The following CLDN10 variants were observed in gnomAD, a reference collection of about 807,000 sequenced individuals.
CLDN10 encodes claudin-10.
CLDN10 carries 15 observed loss-of-function variants against 22.9 expected under a neutral mutation model. The ratio of observed to expected loss-of-function variants is 0.65; its 90% CI spans 0.44 to 1.01. CLDN10 has a LOEUF of 1.01. CLDN10 is among the 50% of genes least tolerant of loss of function. CLDN10 has a pLI of 0.00. For synonymous variants in CLDN10, 114 were observed against 111.4 expected, an observed-to-expected ratio of 1.02 and a Z score of -0.15; for missense variants, 247 against 287.8, an observed-to-expected ratio of 0.86 and a Z score of 1.03.
chr13:95,462,372 T>A (rs1212793620), intron 1 of CLDN10, among the ~76,000 whole-genome samples: 3 of 152,252 alleles, frequency 2.0e-5, no homozygotes, highest in African/African-American at 4.8e-5. Context: ...TCATTCTGCC[T>A]GTAAGGAAAG....
At position 95,523,700 on chromosome 13, in the gene CLDN10, C is replaced by CT. The variant is rs557760823; in HGVS notation, c.215-36431dup. Among the ~76,000 whole-genome samples, 432 of 152,338 alleles carry CT rather than the reference C, an allele frequency of 2.8e-3. 3 individuals are homozygous for CT. The highest frequency in any genetic ancestry group is 0.015 in the South Asian group (71 of 4,820). ...TAAGTGATTCTCCTGCCTCAGCCTCCTGAGTAGCTGAGATTACAGGAGCAA... is the reference window on the plus strand; with the variant it reads ...TAAGTGATTCTCCTGCCTCAGCCTCCTTGAGTAGCTGAGATTACAGGAGCAA... On this transcript the variant is annotated intron_variant, in intron 1 of 4. Coordinates refer to the CLDN10 transcript ENST00000376873.
rs75823778 is a variant in CLDN10 at position 95,474,203 on chromosome 13, A to G, written c.214+40156A>G. On this transcript the variant is annotated intron_variant, in intron 1 of 4. Transcript: ENST00000376873. ...GATGGGAGACAGTGACAGATCATCA[A>G]GAGTGACAGATCATCAGGCATTAGA... 8.1e-3 allele frequency among the ~76,000 whole-genome samples: 789 copies of G among 96,816 alleles called. 3 individuals are homozygous for G. The highest frequency in any genetic ancestry group is 0.022 in the African/African-American group (752 of 33,716). The allele number at this position is 96,816 out of a possible 152,430, so 63.5% of individuals were successfully genotyped here. A position where few individuals can be genotyped will look rare whatever the true frequency, so the allele number is the denominator to read the frequency against.
In CLDN10 at chr13:95,486,143, T is replaced by C. The variant is rs188223007; in HGVS notation, c.214+52096T>C. 2.1e-4 allele frequency among the ~76,000 whole-genome samples: 32 copies of C among 152,326 alleles called. 1 individual carries two copies. Among genetic ancestry groups the C allele is most frequent in the Admixed American group, 1.8e-3 (27 of 15,300 alleles). Reference sequence around the variant, plus strand: ...CCTTGCAGAATCAGCTCGCAATGGATGCTAGGCTTCTGTTGTGCCTTGCTG... The same window carrying C: ...CCTTGCAGAATCAGCTCGCAATGGACGCTAGGCTTCTGTTGTGCCTTGCTG... On this transcript the variant is annotated intron_variant, in intron 1 of 4. Transcript: ENST00000376873.
At chr13:95,450,267 T>G (rs948674127) in intron 1 of CLDN10, among the ~76,000 whole-genome samples, 1 of 152,232 alleles carries the variant, frequency 6.6e-6, no homozygotes, top group Non-Finnish European at 1.5e-5. Context: ...TGTTGTTTGC[T>G]CCAACTCACA....
chr13:95,530,679 T>C (rs999657532), intron 1 of CLDN10, among the ~76,000 whole-genome samples: 1 of 152,254 alleles, frequency 6.6e-6, no homozygotes, highest in Admixed American at 6.5e-5. Flanking sequence ...CTTGTGTTTA[T>C]CAACTACCTT....
chr13:95,563,099 TC>T (rs2138663918), intron 3 of CLDN10, among the ~76,000 whole-genome samples: 1 of 77,510 alleles, frequency 1.3e-5, no homozygotes, highest in South Asian at 4.5e-4. Flanking sequence ...CTACCCACTC[TC>T]TCTCTCTCTC....
intron 3 of CLDN10, chr13:95,560,689 G>A (rs888875713): frequency 1.9e-5 from 10 of 521,002 alleles, no homozygotes; most frequent in Non-Finnish European, 3.4e-5. Flanking sequence ...ACAGTTCAAG[G>A]CATCAAATTT....
intron 1 of CLDN10, among the ~76,000 whole-genome samples, chr13:95,439,417 C>T (rs1440381756): frequency 6.6e-6 from 1 of 151,662 alleles, no homozygotes; most frequent in Admixed American, 6.6e-5. Flanking sequence ...CAATCTCAAC[C>T]TCTGCCTCCC....
intron 1 of CLDN10, among the ~76,000 whole-genome samples, chr13:95,555,946 G>T (rs1281189471): frequency 2.0e-5 from 3 of 152,176 alleles, no homozygotes; most frequent in Non-Finnish European, 4.4e-5. Context: ...AGATTGGGAA[G>T]AGAATCCAGG....
chr13:95,473,696 C>T (rs529110299), intron 1 of CLDN10, among the ~76,000 whole-genome samples: 6 of 152,326 alleles, frequency 3.9e-5, no homozygotes, highest in Non-Finnish European at 7.3e-5. Flanking sequence ...AGCTCTGACT[C>T]GGCAGGTCAG....
chr13:95,531,359 G>A (rs1050988061), intron 1 of CLDN10, among the ~76,000 whole-genome samples: 1 of 152,286 alleles, frequency 6.6e-6, no homozygotes, highest in African/African-American at 2.4e-5. Flanking sequence ...CAATATGAAA[G>A]TTATATCCCT....
chr13:95,434,125 C>A (rs2042240067), intron 1 of CLDN10: 2 of 1,302,704 alleles, frequency 1.5e-6, no homozygotes, highest in Non-Finnish European at 2.2e-6. Context: ...CTGTCTATGG[C>A]TGGCTGTTAA....
In CLDN10 at chr13:95,445,763, G is replaced by T. The variant is rs368853080; in HGVS notation, c.214+11716G>T. 3.3e-5 allele frequency among the ~76,000 whole-genome samples: 5 copies of T among 152,212 alleles called. No individual in the cohort carries two copies. The East Asian group carries it at 5.8e-4, about 18-fold the overall frequency. ...TTTGACCGAGTTTAATTTTTTTTTA[G>T]CTGTGCTCTTTAGATGTCTAATACA... On this transcript the variant is annotated intron_variant, in intron 1 of 4. Coordinates refer to the CLDN10 transcript ENST00000376873.
intron 1 of CLDN10, among the ~76,000 whole-genome samples, chr13:95,453,161 C>A (rs1227232061): frequency 6.6e-6 from 1 of 152,204 alleles, no homozygotes; most frequent in Non-Finnish European, 1.5e-5. Flanking sequence ...ATTATCTTTA[C>A]ATTTATGTCC....
At position 95,552,901 on chromosome 13, in the gene CLDN10, T is replaced by C. The variant is rs2043584595; in HGVS notation, c.148T>C (p.Trp50Arg). ...AACCGCCACCTATTGGGCCAACCTG[T>C]GGAAGGCGTGCGTTACCGACTCCAC... ...ITTATYWANL[W>R]KACVTDSTGV... The change falls in exon 1 of 5, where the codon TGG becomes CGG. Residue 50 changes from tryptophan to arginine, a missense_variant. Transcript: ENST00000299339. The C allele has an allele frequency of 1.2e-6, 2 of 1,614,002 alleles. No homozygotes were observed. The highest frequency in any genetic ancestry group is 2.7e-5 in the African/African-American group (2 of 74,928).
At chr13:95,497,502 C>T (rs2042941466) in intron 1 of CLDN10, among the ~76,000 whole-genome samples, 1 of 152,120 alleles carries the variant, frequency 6.6e-6, no homozygotes, top group Non-Finnish European at 1.5e-5. Context: ...AAGGACAGAC[C>T]AGCCACACAA....
chr13:95,458,792 C>A (rs2042507403), intron 1 of CLDN10, among the ~76,000 whole-genome samples: 1 of 152,182 alleles, frequency 6.6e-6, no homozygotes, highest in Admixed American at 6.5e-5. Context: ...CATAATCATG[C>A]CTTTCCAATT....
At chr13:95,477,428 G>A (rs927539401) in intron 1 of CLDN10, among the ~76,000 whole-genome samples, 4 of 152,118 alleles carry the variant, frequency 2.6e-5, no homozygotes, top group African/African-American at 9.7e-5. Flanking sequence ...GTTGGGATGC[G>A]AGCTCTGGGT....
chr13:95,501,148 G>A (rs570194244), intron 1 of CLDN10, among the ~76,000 whole-genome samples: 119 of 151,976 alleles, frequency 7.8e-4, no homozygotes, highest in African/African-American at 2.8e-3. Context: ...CAAGTACCTG[G>A]GATTACAAGT....
Sources: gnomAD v4.1 joint callset for allele counts (sites outside exome capture counted in the v4.1 genomes callset) on GRCh38, gnomAD v4.1.1 for gene constraint, MANE v1.5 for transcripts, NCBI Gene and HGNC (gene_info 2026-07-23, HGNC 2026-07-21) for gene names.